GNPNAT1: variants seen among roughly 807,000 people sequenced by gnomAD.
GNPNAT1 encodes glucosamine-phosphate N-acetyltransferase 1.
In GNPNAT1, 11 loss-of-function variants were observed where a neutral mutation model predicts 19.8. That is an observed-to-expected ratio of 0.56 (90% CI 0.35 to 0.92). The LOEUF is 0.92. GNPNAT1 is among the 40% of genes least tolerant of loss of function. The probability of loss-of-function intolerance (pLI) is 0.01; values close to 1 mark genes in which losing one functional copy is unlikely to be tolerated. For synonymous variants in GNPNAT1, 71 were observed against 72.3 expected (o/e 0.98, Z 0.09); for missense variants, 157 against 211.0 (o/e 0.74, Z 1.59).
intron 1 of GNPNAT1, among the ~76,000 whole-genome samples, chr14:52,789,400 C>G (rs1029439200): frequency 6.6e-6 from 1 of 152,114 alleles, no homozygotes; most frequent in African/African-American, 2.4e-5. Flanking sequence ...GCACTTAGAA[C>G]CTACATTTGG....
intron 5 of GNPNAT1, among the ~76,000 whole-genome samples, chr14:52,779,669 T>G (rs1283912772): frequency 7.2e-6 from 1 of 138,974 alleles, no homozygotes; most frequent in East Asian, 2.1e-4. Context: ...TGCAGTGAGC[T>G]GTGATCGTAC....
At chr14:52,784,129 T>G (rs907707535) in intron 2 of GNPNAT1, among the ~76,000 whole-genome samples, 14 of 152,168 alleles carry the variant, frequency 9.2e-5, no homozygotes. Flanking sequence ...AAAAAAGAAA[T>G]AACTGTATAA....
At chr14:52,781,937 T>C in intron 3 of GNPNAT1, 26 bp from the exon 4 acceptor site, 1 of 1,570,682 alleles carries the variant, frequency 6.4e-7, no homozygotes, top group Admixed American at 2.0e-5. Context: ...AACAAAGTGT[T>C]ACATAGTAGA....
Position 52,775,540 on chromosome 14 carries a change from GAC to G in GNPNAT1, c.*2769_*2770del, listed in dbSNP as rs952120085. The G allele has an allele frequency of 2.6e-5, 4 of 152,062 alleles. No homozygotes were observed. Among genetic ancestry groups the G allele is most frequent in the African/African-American group, 9.7e-5 (4 of 41,398 alleles). 9.4% of individuals were successfully genotyped at this position (152,062 alleles called of 1,614,324 possible). A position where few individuals can be genotyped will look rare whatever the true frequency, so the allele number is the denominator to read the frequency against. On this transcript the variant is annotated 3_prime_UTR_variant, in exon 6 of 6. Coordinates refer to ENST00000216410, the MANE Select transcript of GNPNAT1 (RefSeq NM_198066.4). ...TGAAACAAAAATATACAAAACATGA[GAC>G]ACAGTAAAAATGATAAGTACCACCT...
At chr14:52,781,285 C>T (rs1882888951) in intron 4 of GNPNAT1, among the ~76,000 whole-genome samples, 6 of 151,922 alleles carry the variant, frequency 3.9e-5, no homozygotes. Context: ...GTACAGAAAC[C>T]CCACCGAAAT....
chr14:52,778,928 TC>T (rs1882810614), intron 5 of GNPNAT1, among the ~76,000 whole-genome samples: 1 of 152,004 alleles, frequency 6.6e-6, no homozygotes, highest in African/African-American at 2.4e-5. Context: ...GGGGGGAAGA[TC>T]ACCTGAGCCC....
intron 1 of GNPNAT1, 60 bp from the exon 2 acceptor site, chr14:52,784,724 T>C: frequency 1.4e-6 from 1 of 706,680 alleles, no homozygotes; most frequent in Non-Finnish European, 2.2e-6. Flanking sequence ...TTATGATTGT[T>C]GAGAAAGTTA....
chr14:52,784,794 C>G (rs1269713492), intron 1 of GNPNAT1, 130 bp from the exon 2 acceptor site: 2 of 421,562 alleles, frequency 4.7e-6, no homozygotes, highest in Non-Finnish European at 8.3e-6. Flanking sequence ...TTTACTGCAA[C>G]CCAGCCTGAA....
rs1466550748 is a variant in GNPNAT1 at position 52,785,679 on chromosome 14, T to G, written c.-14-1015A>C. Among the ~76,000 whole-genome samples, 4 of 150,780 alleles carry G rather than the reference T, an allele frequency of 2.7e-5. No homozygotes were observed. In the East Asian group the frequency reaches 8.0e-4, roughly 30 times the overall value. ...GGCAGAGGTTGTGGTGAGTTGAGAT[T>G]GCGCCATTGCACTCCAGCCTGGGCA... On this transcript the variant is annotated intron_variant, in intron 1 of 5. Transcript: ENST00000216410.
intron 1 of GNPNAT1, among the ~76,000 whole-genome samples, chr14:52,785,388 T>A (rs906578628): frequency 6.6e-6 from 1 of 151,862 alleles, no homozygotes; most frequent in African/African-American, 2.4e-5. Flanking sequence ...GGGAAAAAAA[T>A]TTTTTTTAAA....
chr14:52,781,977 A>G (rs1882904668), intron 3 of GNPNAT1, 66 bp from the exon 4 acceptor site: 2 of 1,405,542 alleles, frequency 1.4e-6, no homozygotes, highest in Non-Finnish European at 1.9e-6. Flanking sequence ...CCAGAAAAAT[A>G]TTAGGATTAG....
At chr14:52,785,994 G>A (rs1318037488) in intron 1 of GNPNAT1, among the ~76,000 whole-genome samples, 1 of 147,806 alleles carries the variant, frequency 6.8e-6, no homozygotes, top group Non-Finnish European at 1.5e-5. Flanking sequence ...CGGGTGATTC[G>A]CCTGCCTCAG....
At chr14:52,780,144 G>C (rs1469435321) in intron 5 of GNPNAT1, among the ~76,000 whole-genome samples, 2 of 152,240 alleles carry the variant, frequency 1.3e-5, no homozygotes, top group Middle Eastern at 3.4e-3. Context: ...CAGCCTGGGT[G>C]ACAGAGCTGT....
Position 52,783,315 on chromosome 14 carries a change from A to T in GNPNAT1, c.217+108T>A. The T allele has an allele frequency of 8.8e-6, 6 of 683,544 alleles. 1 individual carries two copies. Among genetic ancestry groups the T allele is most frequent in the South Asian group, 3.9e-5 (2 of 51,348 alleles). The allele number at this position is 683,544 out of a possible 1,614,324, so 42.3% of individuals were successfully genotyped here. Reference sequence around the variant, plus strand: ...ATAAAACAGCTAATTTGTTCTTTGAATAATTTCCAGCTATTTGAACAAAAA... The same window carrying T: ...ATAAAACAGCTAATTTGTTCTTTGATTAATTTCCAGCTATTTGAACAAAAA... On this transcript the variant is annotated intron_variant, in intron 3 of 5. Transcript: ENST00000216410.
intron 2 of GNPNAT1, 72 bp from the exon 3 acceptor site, chr14:52,783,557 T>G: frequency 1.0e-6 from 1 of 962,164 alleles, no homozygotes; most frequent in Non-Finnish European, 1.7e-6. Context: ...AGCAATATAT[T>G]AAGCAGGTGG....
chr14:52,788,202 C>T (rs2139974182), intron 1 of GNPNAT1, among the ~76,000 whole-genome samples: 1 of 152,160 alleles, frequency 6.6e-6, no homozygotes, highest in Middle Eastern at 3.4e-3. Context: ...CTCACTGCAG[C>T]CTCAAACTCC....
In GNPNAT1 at chr14:52,791,073, T is replaced by C. The variant is rs1883162405; in HGVS notation, c.-15+355A>G. Among the ~76,000 whole-genome samples, 1 of 152,038 alleles carries C rather than the reference T, an allele frequency of 6.6e-6. No homozygotes were observed. The highest frequency in any genetic ancestry group is 1.5e-5 in the Non-Finnish European group (1 of 67,996). The stretch of plus-strand genomic sequence containing the variant: ...GACGTTCGTGCCCATTCAAAACCGA[T>C]GGCTGCAGAGAGCGCGACCAACTGT... On this transcript the variant is annotated intron_variant, in intron 1 of 5. Transcript: ENST00000216410. This position sits in a 1 kb window ranked among gnomAD's most constrained non-coding sequence, Gnocchi z 4.1.
intron 5 of GNPNAT1, among the ~76,000 whole-genome samples, chr14:52,779,040 T>A (rs1882814893): frequency 6.6e-6 from 1 of 151,506 alleles, no homozygotes; most frequent in Admixed American, 6.6e-5. Flanking sequence ...AATTTTAAGA[T>A]GCATGTTAAC....
In GNPNAT1 at chr14:52,777,019, G is replaced by C. The variant is rs916697924; in HGVS notation, c.*1292C>G. 6.6e-6 allele frequency: 1 copy of C among 152,250 alleles called. No homozygotes were observed. The highest frequency in any genetic ancestry group is 1.5e-5 in the Non-Finnish European group (1 of 68,050). 9.4% of individuals were successfully genotyped at this position (152,250 alleles called of 1,614,324 possible). On this transcript the variant is annotated 3_prime_UTR_variant, in exon 6 of 6. Coordinates refer to ENST00000216410, the MANE Select transcript of GNPNAT1 (RefSeq NM_198066.4). ...TGTATAGGCTATAAGCAGGTAAGTAGTGCACTCTATTGGTGAAGGATTTCT... is the reference window on the plus strand; with the variant it reads ...TGTATAGGCTATAAGCAGGTAAGTACTGCACTCTATTGGTGAAGGATTTCT...
Sources: gnomAD v4.1 joint callset for allele counts (sites outside exome capture counted in the v4.1 genomes callset) on GRCh38, gnomAD v4.1.1 for gene constraint, Gnocchi (gnomAD v3.1) non-coding constraint, MANE v1.5 for transcripts, NCBI Gene and HGNC (gene_info 2026-07-23, HGNC 2026-07-21) for gene names.